Variants in PTPRM observed in about 807,000 individuals in gnomAD.
PTPRM encodes the protein receptor-type tyrosine-protein phosphatase mu.
A neutral mutation model predicts 186.7 loss-of-function variants in PTPRM; 47 were observed. That is an observed-to-expected ratio of 0.25 (90% CI 0.20 to 0.32). PTPRM has a LOEUF of 0.32. Among genes scored for constraint, PTPRM ranks in the 10% least tolerant of loss-of-function variants. The probability of loss-of-function intolerance (pLI) is 1.00; values close to 1 mark genes in which losing one functional copy is unlikely to be tolerated. For synonymous variants in PTPRM, 668 were observed against 674.9 expected, an observed-to-expected ratio of 0.99 and a Z score of 0.16; for missense variants, 1,494 against 1,865.0, an observed-to-expected ratio of 0.80 and a Z score of 3.66.
chr18:8,107,239 C>T (rs563466210), intron 11 of PTPRM, among the ~76,000 whole-genome samples: 1 of 152,294 alleles, frequency 6.6e-6, no homozygotes, highest in East Asian at 1.9e-4. Context: ...AAGCAGGAGA[C>T]ATCACCCTTA....
At chr18:7,732,205 C>G (rs1049171172) in intron 1 of PTPRM, among the ~76,000 whole-genome samples, 3 of 152,170 alleles carry the variant, frequency 2.0e-5, no homozygotes, top group Non-Finnish European at 2.9e-5. Context: ...GTTCAACATA[C>G]CTTCCCCAGC....
chr18:8,204,305 A>G (rs1295761916), intron 14 of PTPRM, among the ~76,000 whole-genome samples: 2 of 151,896 alleles, frequency 1.3e-5, no homozygotes, highest in East Asian at 1.9e-4. Flanking sequence ...CCTCTTCTTT[A>G]TGTGTGTGTG....
intron 14 of PTPRM, among the ~76,000 whole-genome samples, chr18:8,181,041 T>C (rs1470749611): frequency 6.6e-6 from 1 of 152,150 alleles, no homozygotes; most frequent in East Asian, 1.9e-4. Flanking sequence ...CTAAGTTCAG[T>C]TGCAGTTGGT....
Position 8,341,515 on chromosome 18 carries a change from A to G in PTPRM, c.2957-1908A>G, listed in dbSNP as rs578022348. Among the ~76,000 whole-genome samples the G allele has an allele frequency of 2.4e-4, 37 of 152,296 alleles. 1 individual carries two copies. The South Asian group carries it at 7.7e-3, about 32-fold the overall frequency. ...ATGGGGCCCCTAGCCTAGAGTGCCT[A>G]TGAGAAGACCCCTGTTGGGCCCTGA... On this transcript the variant is annotated intron_variant, in intron 22 of 32. Coordinates refer to ENST00000580170, the MANE Select transcript of PTPRM (RefSeq NM_001105244.2).
At chr18:8,323,391 A>G (rs1211439149) in intron 22 of PTPRM, among the ~76,000 whole-genome samples, 2 of 152,186 alleles carry the variant, frequency 1.3e-5, no homozygotes, top group African/African-American at 4.8e-5. Context: ...ATCCAGATCC[A>G]GCCCCTGCTT....
chr18:8,388,639 C>G (rs995651925), intron 31 of PTPRM, among the ~76,000 whole-genome samples: 2 of 152,316 alleles, frequency 1.3e-5, no homozygotes, highest in Admixed American at 1.3e-4. Context: ...TGTCATCCCC[C>G]CTTTCTTCTC....
chr18:7,808,193 T>A (rs2044330407), intron 2 of PTPRM, among the ~76,000 whole-genome samples: 1 of 152,214 alleles, frequency 6.6e-6, no homozygotes, highest in South Asian at 2.1e-4. Flanking sequence ...GAAACAAGAT[T>A]GACAGCATGG....
intron 7 of PTPRM, among the ~76,000 whole-genome samples, chr18:8,000,437 G>A (rs2083803702): frequency 6.6e-6 from 1 of 152,154 alleles, no homozygotes; most frequent in African/African-American, 2.4e-5. Context: ...GTGCCAATAA[G>A]TGAATATATA....
chr18:8,240,826 G>A (rs1422281455), intron 14 of PTPRM, among the ~76,000 whole-genome samples: 5 of 24,046 alleles, frequency 2.1e-4, no homozygotes, highest in African/African-American at 1.1e-3. Context: ...GAGAGAGAGA[G>A]AAAGAAAGAA....
chr18:8,190,762 G>T (rs947577252), intron 14 of PTPRM, among the ~76,000 whole-genome samples: 1 of 152,156 alleles, frequency 6.6e-6, no homozygotes, highest in African/African-American at 2.4e-5. Context: ...TATACAAGAT[G>T]ATGGTTTTAT....
intron 1 of PTPRM, among the ~76,000 whole-genome samples, chr18:7,722,851 G>A (rs778722577): frequency 7.9e-5 from 12 of 152,290 alleles, no homozygotes; most frequent in Admixed American, 4.6e-4. Flanking sequence ...AAATCGGTAC[G>A]CAAATGGCTT....
chr18:8,245,097 C>T (rs1050567215), intron 15 of PTPRM, among the ~76,000 whole-genome samples: 6 of 152,280 alleles, frequency 3.9e-5, no homozygotes, highest in East Asian at 1.9e-4. Flanking sequence ...TGGCGTGGGG[C>T]GACTGGGAGC....
At chr18:8,238,892 C>T (rs1006083754) in intron 14 of PTPRM, among the ~76,000 whole-genome samples, 5 of 151,308 alleles carry the variant, frequency 3.3e-5, no homozygotes, top group Non-Finnish European at 7.4e-5. Flanking sequence ...GGATGGCTAA[C>T]GTGGGATGGA....
intron 1 of PTPRM, among the ~76,000 whole-genome samples, chr18:7,696,154 C>G (rs1262701707): frequency 1.3e-5 from 2 of 152,040 alleles, no homozygotes; most frequent in South Asian, 2.1e-4. Context: ...ATCAGCTATG[C>G]CTTTTCAGGG....
intron 14 of PTPRM, among the ~76,000 whole-genome samples, chr18:8,216,975 A>T (rs2094094510): frequency 6.6e-6 from 1 of 152,236 alleles, no homozygotes; most frequent in Non-Finnish European, 1.5e-5. Flanking sequence ...CTTTAGAACC[A>T]TGTTGCTTAT....
intron 14 of PTPRM, among the ~76,000 whole-genome samples, chr18:8,148,298 G>A (rs1444924616): frequency 1.3e-5 from 2 of 152,070 alleles, no homozygotes; most frequent in African/African-American, 4.8e-5. Flanking sequence ...CTCGTTGGTA[G>A]GCTATTAATT....
intron 3 of PTPRM, among the ~76,000 whole-genome samples, chr18:7,905,225 T>C (rs1366913276): frequency 6.6e-6 from 1 of 152,168 alleles, no homozygotes; most frequent in African/African-American, 2.4e-5. Context: ...ACTCCCGACC[T>C]CAGGTGATCT....
At chr18:7,639,594 C>T (rs1941139) in intron 1 of PTPRM, among the ~76,000 whole-genome samples, 6,481 of 150,224 alleles carry the variant, frequency 0.043, 156 homozygotes, top group East Asian at 0.099. Flanking sequence ...ACCGTGTTGG[C>T]TGGGCTGGTC....
intron 1 of PTPRM, among the ~76,000 whole-genome samples, chr18:7,772,397 TTCTTTC>T (rs2042350654): frequency 7.0e-6 from 1 of 142,786 alleles, no homozygotes; most frequent in Non-Finnish European, 1.5e-5. Flanking sequence ...CTTTCTTTCT[TTCTTTC>T]TTTCTTTCTT....
Sources: allele counts gnomAD v4.1 joint callset (sites outside exome capture counted in the v4.1 genomes callset), GRCh38; gene constraint gnomAD v4.1.1; transcripts MANE v1.5; gene names NCBI Gene and HGNC (gene_info 2026-07-23, HGNC 2026-07-21).